The following AXL variants were observed in gnomAD, a reference collection of about 807,000 sequenced individuals.
AXL encodes tyrosine-protein kinase receptor UFO.
In AXL, 52 loss-of-function variants were observed where a neutral mutation model predicts 104.5. That is an observed-to-expected ratio of 0.50 (90% CI 0.40 to 0.63). The LOEUF (loss-of-function observed/expected upper bound fraction) is 0.63. Ranked by LOEUF, AXL falls within the 20% of genes least tolerant of loss-of-function variation. The probability of loss-of-function intolerance (pLI) is 0.00; values close to 1 mark genes in which losing one functional copy is unlikely to be tolerated. For missense variants in AXL, 1,024 were observed against 1,188.5 expected (o/e 0.86, Z 2.04); for synonymous variants, 455 against 473.7 (o/e 0.96, Z 0.51).
intron 6 of AXL, among the ~76,000 whole-genome samples, chr19:41,236,901 A>T (rs2034089998): frequency 6.6e-6 from 1 of 152,122 alleles, no homozygotes; most frequent in Admixed American, 6.6e-5. Flanking sequence ...ATGCGGCCCA[A>T]CATAAGTTCG....
At position 41,239,289 on chromosome 19, in the gene AXL, A is replaced by G. The variant is rs759582236; in HGVS notation, c.1260A>G (p.Pro420=). Residue 420 remains proline, a synonymous_variant, in exon 9 of 20, where the codon CCA becomes CCG. Transcript: ENST00000301178. ...TAAGDGPWSL[P]VPLEAWRPGQ... Reference sequence around the variant, plus strand: ...CTGGGGATGGACCCTGGAGCCTCCCAGTACCCCTGGAGGCCTGGCGCCCAG... The same window carrying G: ...CTGGGGATGGACCCTGGAGCCTCCCGGTACCCCTGGAGGCCTGGCGCCCAG... The G allele has an allele frequency of 6.3e-7, 1 of 1,596,120 alleles. No homozygotes were observed. The highest frequency in any genetic ancestry group is 8.5e-7 in the Non-Finnish European group (1 of 1,171,942).
chr19:41,227,929 C>T lies in AXL; in HGVS notation c.587-3038C>T, dbSNP rs534217577. 4.2e-4 allele frequency among the ~76,000 whole-genome samples: 64 copies of T among 152,236 alleles called. 1 individual carries two copies. The highest frequency in any genetic ancestry group is 1.4e-3 in the African/African-American group (57 of 41,538). On this transcript the variant is annotated intron_variant, in intron 4 of 19. Coordinates refer to ENST00000301178, the MANE Select transcript of AXL (RefSeq NM_021913.5). ...AGATGCTGGACAAAGGGGGGATTCA[C>T]GTTCTAGGCCAACCAGAGTGGGATG...
intron 6 of AXL, among the ~76,000 whole-genome samples, chr19:41,235,717 G>A (rs2034067987): frequency 6.6e-6 from 1 of 152,156 alleles, no homozygotes; most frequent in Admixed American, 6.5e-5. Flanking sequence ...GTGACAAACT[G>A]ATGACCTTGA....
At chr19:41,229,476 G>A (rs541135730) in intron 4 of AXL, among the ~76,000 whole-genome samples, 1 of 152,150 alleles carries the variant, frequency 6.6e-6, no homozygotes, top group African/African-American at 2.4e-5. Context: ...CGTTGCCCAG[G>A]CTGGTCTCTA....
chr19:41,249,487 G>A (rs1963349938), intron 14 of AXL, among the ~76,000 whole-genome samples: 1 of 151,964 alleles, frequency 6.6e-6, no homozygotes, highest in Admixed American at 6.6e-5. Context: ...TGGGCGTGGT[G>A]GCTCACGTCT....
chr19:41,235,475 G>A (rs2034064706), intron 6 of AXL, among the ~76,000 whole-genome samples: 1 of 152,162 alleles, frequency 6.6e-6, no homozygotes, highest in South Asian at 2.1e-4. Context: ...AGTCAACCCT[G>A]TGAAGTGGGG....
chr19:41,260,507 T>G lies in AXL; in HGVS notation c.*603T>G, dbSNP rs901378328. On this transcript the variant is annotated 3_prime_UTR_variant, in exon 20 of 20. Coordinates refer to ENST00000301178, the MANE Select transcript of AXL (RefSeq NM_021913.5). ...TTATATTTTTAGTAGAGACAGGGTT[T>G]CACCATGTTGGCCAGGCTGGTCTAA... is the stretch of plus-strand genomic sequence containing the variant. 6.6e-6 allele frequency: 1 copy of G among 152,304 alleles called. No individual in the cohort carries two copies. The highest frequency in any genetic ancestry group is 2.4e-5 in the African/African-American group (1 of 41,342). 9.4% of individuals were successfully genotyped at this position (152,304 alleles called of 1,614,324 possible).
chr19:41,243,833 A>G, intron 12 of AXL, 126 bp downstream of exon 12: 1 of 718,934 alleles, frequency 1.4e-6, no homozygotes, highest in South Asian at 1.6e-5. Context: ...AGAATGTCAG[A>G]ACCACAGACC....
rs767820508 is a variant in AXL at position 41,253,735 on chromosome 19, C to CA, written c.2036+27_2036+28insA. The CA allele has an allele frequency of 1.3e-5, 20 of 1,529,844 alleles. No individual in the cohort carries two copies. The African/African-American group carries it at 2.5e-4, about 19-fold the overall frequency. 94.8% of individuals were successfully genotyped at this position (1,529,844 alleles called of 1,614,324 possible). ...TGAGTGCCTTTCAGGGACCCCCCCC[C>CA]CCCAACTGCTCCTGCACTCCCTGAG... On this transcript the variant is annotated intron_variant, in intron 17 of 19. Transcript: ENST00000301178.
At chr19:41,224,447 A>G (rs1318710661) in intron 4 of AXL, among the ~76,000 whole-genome samples, 1 of 151,538 alleles carries the variant, frequency 6.6e-6, no homozygotes, top group Non-Finnish European at 1.5e-5. Context: ...ATCATGGCTC[A>G]CTGTAGCCTC....
At chr19:41,240,272 T>C (rs1381247046) in intron 10 of AXL, among the ~76,000 whole-genome samples, 1 of 129,772 alleles carries the variant, frequency 7.7e-6, no homozygotes, top group South Asian at 2.5e-4. Flanking sequence ...GTTGGATATA[T>C]GGAGGGTGGA....
At chr19:41,242,503 T>C (rs2034201167) in intron 10 of AXL, among the ~76,000 whole-genome samples, 1 of 151,782 alleles carries the variant, frequency 6.6e-6, no homozygotes, top group Non-Finnish European at 1.5e-5. Flanking sequence ...TGTATATATT[T>C]TGTTTAAGTA....
chr19:41,223,439 T>TG (rs1013191834), intron 4 of AXL, among the ~76,000 whole-genome samples: 2 of 152,090 alleles, frequency 1.3e-5, no homozygotes, highest in Non-Finnish European at 2.9e-5. Context: ...GGGGCATCAC[T>TG]GGGGGACCCT....
chr19:41,250,350 CA>C (rs1301508537), intron 14 of AXL, among the ~76,000 whole-genome samples: 1 of 152,190 alleles, frequency 6.6e-6, no homozygotes, highest in Admixed American at 6.6e-5. Context: ...TTCTGAATTA[CA>C]GGGCTTAAAA....
At chr19:41,257,188 CGCCCACCACCAT>C (rs992086266) in intron 18 of AXL, among the ~76,000 whole-genome samples, 4 of 152,052 alleles carry the variant, frequency 2.6e-5, no homozygotes, top group African/African-American at 9.7e-5. Context: ...GGATTACAGG[CGCCCACCACCAT>C]GCCTAGCTAA....
intron 4 of AXL, among the ~76,000 whole-genome samples, chr19:41,225,942 C>G (rs1008941339): frequency 2.0e-5 from 3 of 152,144 alleles, no homozygotes; most frequent in African/African-American, 4.8e-5. Flanking sequence ...CCCTCTCATT[C>G]TCTGGAAAAG....
chr19:41,239,577 C>T (rs1410951622), intron 9 of AXL, 117 bp from the exon 10 acceptor site: 5 of 1,305,008 alleles, frequency 3.8e-6, no homozygotes, highest in Non-Finnish European at 5.3e-6. Context: ...ACCTTCACTC[C>T]CTTACTCGTG....
At chr19:41,243,531 T>G in intron 11 of AXL, 85 bp from the exon 12 acceptor site, 33 of 1,048,122 alleles carry the variant, frequency 3.1e-5, no homozygotes, top group Non-Finnish European at 4.7e-5. Flanking sequence ...GGCTTGAGGC[T>G]GAGATGGTGC....
chr19:41,235,365 AATAAATAGATAGATAGATAGATAGATAG>A (rs1054516929), intron 6 of AXL, among the ~76,000 whole-genome samples: 4 of 89,172 alleles, frequency 4.5e-5, no homozygotes, highest in African/African-American at 2.6e-4. Flanking sequence ...TAAATAAATA[AATAAATAGATAGATAGATAGATAGATAG>A]ATAGATAGAT....
Sources: gnomAD v4.1 joint callset for allele counts (sites outside exome capture counted in the v4.1 genomes callset) on GRCh38, gnomAD v4.1.1 for gene constraint, MANE v1.5 for transcripts, NCBI Gene and HGNC (gene_info 2026-07-23, HGNC 2026-07-21) for gene names.